The following ZFHX3 variants were observed in gnomAD, a reference collection of about 807,000 sequenced individuals.
The protein encoded by ZFHX3 is zinc finger homeobox 3.
ZFHX3 carries 42 observed loss-of-function variants against 279.1 expected under a neutral mutation model. That is an observed-to-expected ratio of 0.15 (90% CI 0.12 to 0.19). The LOEUF is 0.19. ZFHX3 is among the 10% of genes least tolerant of loss of function. The probability of loss-of-function intolerance (pLI) is 1.00; values close to 1 mark genes in which losing one functional copy is unlikely to be tolerated. For synonymous variants in ZFHX3, 2,293 were observed against 1,957.8 expected (o/e 1.17, Z -4.52); for missense variants, 4,981 against 4,754.0 (o/e 1.05, Z -1.40).
chr16:73,874,721 C>T (rs1274924343), intron 1 of ZFHX3, among the ~76,000 whole-genome samples: 1 of 152,146 alleles, frequency 6.6e-6, no homozygotes, highest in Non-Finnish European at 1.5e-5. Flanking sequence ...AAAAATATCT[C>T]AAGTACACAG....
intron 9 of ZFHX3, chr16:72,791,160 T>C (rs1325860391): frequency 6.6e-6 from 1 of 152,218 alleles, no homozygotes; most frequent in Non-Finnish European, 1.5e-5. Flanking sequence ...CCTGGGACTT[T>C]CGGTTGAACT....
chr16:73,501,566 T>C (rs931899196), intron 2 of ZFHX3, among the ~76,000 whole-genome samples: 3 of 152,300 alleles, frequency 2.0e-5, no homozygotes, highest in African/African-American at 7.2e-5. Context: ...GGATTGAAAC[T>C]GACAATCAGA....
At chr16:72,981,760 T>C (rs182878783) in intron 1 of ZFHX3, among the ~76,000 whole-genome samples, 16 of 152,210 alleles carry the variant, frequency 1.1e-4, no homozygotes, top group South Asian at 8.3e-4. Context: ...CTCTGTGCAA[T>C]GGACTTCTTC....
intron 2 of ZFHX3, among the ~76,000 whole-genome samples, chr16:73,456,449 A>G (rs1324002395): frequency 1.3e-5 from 2 of 152,184 alleles, no homozygotes; most frequent in African/African-American, 4.8e-5. Flanking sequence ...AAGACGAAGT[A>G]TCACAGCAGC....
chr16:73,172,551 G>A (rs1186624335), intron 5 of ZFHX3, among the ~76,000 whole-genome samples: 1 of 152,214 alleles, frequency 6.6e-6, no homozygotes. Context: ...TATTGATGGG[G>A]TGTGTGAGGA....
intron 3 of ZFHX3, among the ~76,000 whole-genome samples, chr16:72,910,632 A>C (rs539811404): frequency 6.6e-6 from 1 of 152,316 alleles, no homozygotes; most frequent in East Asian, 1.9e-4. Context: ...TAATGGACAC[A>C]GGAGAGAGAT....
intron 3 of ZFHX3, among the ~76,000 whole-genome samples, chr16:73,429,442 C>T (rs1189442390): frequency 3.3e-5 from 5 of 152,122 alleles, no homozygotes; most frequent in Non-Finnish European, 7.3e-5. Flanking sequence ...AGGCAATTCT[C>T]CTGCCTTAGC....
At position 73,842,757 on chromosome 16, in the gene ZFHX3, G is replaced by C. The variant is rs554465092; in HGVS notation, c.-1608+48894C>G. ...ACACGGAGGTTCCAGGGTAGGGGCTGCGCAACCACCAGCCATAGTCAGGGT... is the reference window on the plus strand; with the variant it reads ...ACACGGAGGTTCCAGGGTAGGGGCTCCGCAACCACCAGCCATAGTCAGGGT... On this transcript the variant is annotated intron_variant, in intron 1 of 17. Transcript: ENST00000641206. Among the ~76,000 whole-genome samples the C allele has an allele frequency of 2.8e-3, 419 of 152,282 alleles. 1 individual carries two copies. Among genetic ancestry groups the C allele is most frequent in the Non-Finnish European group, 5.3e-3 (363 of 68,020 alleles).
chr16:73,700,049 C>T (rs969887945), intron 1 of ZFHX3, among the ~76,000 whole-genome samples: 5 of 151,934 alleles, frequency 3.3e-5, no homozygotes, highest in Non-Finnish European at 7.4e-5. Flanking sequence ...ATAGTGAGAC[C>T]CTCTCTCTAC....
intron 3 of ZFHX3, among the ~76,000 whole-genome samples, chr16:73,423,860 TCAA>T (rs1567479867): frequency 2.4e-5 from 1 of 41,422 alleles, no homozygotes. Context: ...AGACTCCATC[TCAA>T]AAAAAAAAAA....
intron 3 of ZFHX3, among the ~76,000 whole-genome samples, chr16:73,363,835 C>T (rs2016478610): frequency 1.3e-5 from 2 of 152,086 alleles, no homozygotes; most frequent in African/African-American, 4.8e-5. Flanking sequence ...AAATGTACAC[C>T]ATTAATTCTG....
chr16:73,347,011 G>A (rs2016136315), intron 3 of ZFHX3, among the ~76,000 whole-genome samples: 3 of 152,180 alleles, frequency 2.0e-5, no homozygotes, highest in Admixed American at 2.0e-4. Flanking sequence ...GGAAATTGAA[G>A]CTCAGAGCCA....
At chr16:73,279,025 G>A (rs1156701617) in intron 4 of ZFHX3, among the ~76,000 whole-genome samples, 1 of 152,168 alleles carries the variant, frequency 6.6e-6, no homozygotes, top group Non-Finnish European at 1.5e-5. Context: ...ATACTTCTCA[G>A]TTAAATGTAA....
At chr16:73,680,889 T>C (rs2053003607) in intron 1 of ZFHX3, among the ~76,000 whole-genome samples, 2 of 152,212 alleles carry the variant, frequency 1.3e-5, no homozygotes, top group African/African-American at 4.8e-5. Flanking sequence ...ATTATTCATA[T>C]ATAATTACTA....
chr16:73,611,709 C>T (rs960061492), intron 2 of ZFHX3, among the ~76,000 whole-genome samples: 16 of 152,088 alleles, frequency 1.1e-4, no homozygotes, highest in African/African-American at 3.9e-4. Context: ...ATTTAAGCTG[C>T]CATTCTAATA....
At chr16:73,804,223 G>A (rs970156335) in intron 1 of ZFHX3, among the ~76,000 whole-genome samples, 1 of 152,118 alleles carries the variant, frequency 6.6e-6, no homozygotes, top group Non-Finnish European at 1.5e-5. Flanking sequence ...AGGAGGAAGA[G>A]TGGAACATTA....
intron 2 of ZFHX3, among the ~76,000 whole-genome samples, chr16:73,669,465 C>G: frequency 6.6e-6 from 1 of 152,206 alleles, no homozygotes; most frequent in Non-Finnish European, 1.5e-5. Context: ...ACCATATATT[C>G]CTGGCTGGTG....
At chr16:73,355,881 C>T (rs2016332148) in intron 3 of ZFHX3, among the ~76,000 whole-genome samples, 1 of 152,134 alleles carries the variant, frequency 6.6e-6, no homozygotes, top group Admixed American at 6.5e-5. Context: ...AGGTTTGCTC[C>T]CCTCCCTTTC....
At chr16:73,561,747 A>T (rs1010369759) in intron 2 of ZFHX3, among the ~76,000 whole-genome samples, 1 of 152,206 alleles carries the variant, frequency 6.6e-6, no homozygotes, top group Non-Finnish European at 1.5e-5. Context: ...AAATAGGCTT[A>T]TTCCTCAAAA....
Sources: allele counts gnomAD v4.1 joint callset (sites outside exome capture counted in the v4.1 genomes callset), GRCh38; gene constraint gnomAD v4.1.1; transcripts MANE v1.5; gene names NCBI Gene and HGNC (gene_info 2026-07-23, HGNC 2026-07-21).